The following SLC36A1 variants were observed in gnomAD, a reference collection of about 807,000 sequenced individuals.
The protein encoded by SLC36A1 is solute carrier family 36 member 1.
Under a neutral mutation model 47.5 loss-of-function variants are expected in SLC36A1, and 30 were observed. The ratio of observed to expected loss-of-function variants is 0.63; its 90% CI spans 0.47 to 0.86. The LOEUF is 0.86. Among genes scored for constraint, SLC36A1 ranks in the 40% least tolerant of loss-of-function variants. The pLI is 0.00. For synonymous variants in SLC36A1, 255 were observed against 249.7 expected, an observed-to-expected ratio of 1.02 and a Z score of -0.20; for missense variants, 517 against 606.0, an observed-to-expected ratio of 0.85 and a Z score of 1.54.
At chr5:151,392,444 C>T in the SLC36A1 span, among the ~76,000 whole-genome samples, 9 of 152,238 alleles carry the variant, frequency 5.9e-5, no homozygotes, top group African/African-American at 2.2e-4. Flanking sequence ...CTTCTGCTAG[C>T]TTTTGAATGT....
rs1362291189 is a variant in SLC36A1, at chr5:151,491,967, T to C, written c.*3713T>C. ...ATCAGCCTGTAACATTTCTTCTCTT[T>C]CCTTTGTGCCACTGAGTCGTTCCCT... On this transcript the variant is annotated 3_prime_UTR_variant, in exon 11 of 11. Transcript: ENST00000243389. The C allele has an allele frequency of 6.6e-6, 1 of 152,280 alleles. No homozygotes were observed. The highest frequency in any genetic ancestry group is 1.5e-5 in the Non-Finnish European group (1 of 68,074). 9.4% of individuals were successfully genotyped at this position (152,280 alleles called of 1,614,324 possible).
the SLC36A1 span, chr5:151,549,544 G>A: frequency 1.3e-6 from 2 of 1,578,574 alleles, no homozygotes; most frequent in Non-Finnish European, 1.7e-6. Flanking sequence ...AGCAGCAAAT[G>A]GAATAGGAGG....
chr5:151,467,137 C>T (rs1756518823), intron 5 of SLC36A1, 62 bp from the exon 6 acceptor site: 11 of 1,327,008 alleles, frequency 8.3e-6, no homozygotes, highest in South Asian at 3.8e-5. Flanking sequence ...AACACCTCCC[C>T]TTCTGGGAGC....
At chr5:151,544,684 C>T in the SLC36A1 span, 71 of 1,614,074 alleles carry the variant, frequency 4.4e-5, 2 homozygotes, top group South Asian at 7.8e-4. Flanking sequence ...TGGCGTTCCT[C>T]CATCCCGAGC....
In SLC36A1 at chr5:151,488,116, C is replaced by T. The variant is rs757695588; in HGVS notation, c.1293C>T (p.Pro431=). The T allele has an allele frequency of 6.8e-6, 11 of 1,614,070 alleles. No homozygotes were observed. The highest frequency in any genetic ancestry group is 2.5e-6 in the Non-Finnish European group (3 of 1,180,028). ...VTTFYSEGMS[P]LTIFKDALIS... Reference sequence around the variant, plus strand: ...CCTTCTACTCAGAGGGCATGAGCCCCCTCACCATCTTTAAGGACGCCCTGA... The same window carrying T: ...CCTTCTACTCAGAGGGCATGAGCCCTCTCACCATCTTTAAGGACGCCCTGA... The change falls in exon 11 of 11, where the codon CCC becomes CCT. Residue 431 remains proline, a synonymous_variant. Transcript: ENST00000243389.
At chr5:151,546,167 C>G in the SLC36A1 span, 2,045 of 1,614,140 alleles carry the variant, frequency 1.3e-3, 30 homozygotes, top group East Asian at 0.028. Flanking sequence ...GCACTCCTAT[C>G]TGAGGGATAG....
chr5:151,407,606 C>A, the SLC36A1 span, among the ~76,000 whole-genome samples: 1,638 of 152,034 alleles, frequency 0.011, 68 homozygotes, highest in East Asian at 0.14. Context: ...TCTCCAAGTC[C>A]CCACCCGACC....
At chr5:151,417,612 G>C in the SLC36A1 span, among the ~76,000 whole-genome samples, 1 of 152,310 alleles carries the variant, frequency 6.6e-6, no homozygotes, top group East Asian at 1.9e-4. Context: ...AAGCACTCAA[G>C]AGGTAACTAG....
At chr5:151,425,647 A>C in the SLC36A1 span, among the ~76,000 whole-genome samples, 1 of 152,182 alleles carries the variant, frequency 6.6e-6, no homozygotes, top group Middle Eastern at 3.4e-3. Flanking sequence ...AATGACTGAA[A>C]CAAAAATAAA....
the SLC36A1 span, among the ~76,000 whole-genome samples, chr5:151,424,781 T>G: frequency 6.6e-6 from 1 of 152,170 alleles, no homozygotes; most frequent in South Asian, 2.1e-4. Flanking sequence ...TTCTAATAAC[T>G]AAGCTGTCAA....
chr5:151,480,036 T>A, intron 10 of SLC36A1: 1 of 1,351,480 alleles, frequency 7.4e-7, no homozygotes, highest in Non-Finnish European at 1.0e-6. Context: ...TTTATTCTTC[T>A]TCTCTCAACC....
the SLC36A1 span, among the ~76,000 whole-genome samples, chr5:151,359,717 T>TAAAA: frequency 1.3e-5 from 2 of 152,232 alleles, no homozygotes; most frequent in Admixed American, 1.3e-4. Context: ...TTGCCTTTTT[T>TAAAA]AGACATTTCA....
the SLC36A1 span, among the ~76,000 whole-genome samples, chr5:151,388,499 C>G: frequency 1.9e-5 from 1 of 51,454 alleles, no homozygotes; most frequent in African/African-American, 3.3e-4. Flanking sequence ...AAAACTCCAT[C>G]TCAAAAGAAA....
intron 1 of SLC36A1, among the ~76,000 whole-genome samples, chr5:151,438,195 C>T (rs1359565400): frequency 1.3e-5 from 2 of 152,220 alleles, no homozygotes; most frequent in Non-Finnish European, 2.9e-5. Context: ...TTCCACTTTA[C>T]CTGGGACAAT....
At chr5:151,418,740 G>A in the SLC36A1 span, among the ~76,000 whole-genome samples, 1 of 152,100 alleles carries the variant, frequency 6.6e-6, no homozygotes, top group African/African-American at 2.4e-5. Flanking sequence ...GGTTAATGAT[G>A]GAATAAATTA....
chr5:151,394,404 G>C, the SLC36A1 span, among the ~76,000 whole-genome samples: 2 of 152,210 alleles, frequency 1.3e-5, no homozygotes, highest in African/African-American at 4.8e-5. Flanking sequence ...CCCTCAACTC[G>C]TCAAAGTCAT....
chr5:151,521,308 C>T, the SLC36A1 span: 7 of 1,611,794 alleles, frequency 4.3e-6, no homozygotes, highest in Admixed American at 5.0e-5. Context: ...CAGGTGGTGC[C>T]GCGGGGTTAG....
At chr5:151,538,922 G>T in the SLC36A1 span, among the ~76,000 whole-genome samples, 3 of 151,996 alleles carry the variant, frequency 2.0e-5, no homozygotes. Flanking sequence ...CTGACATCAG[G>T]TGATCCGCCT....
the SLC36A1 span, chr5:151,406,469 G>A: frequency 2.0e-5 from 3 of 152,228 alleles, no homozygotes; most frequent in Non-Finnish European, 4.4e-5. Context: ...TACCACTTCA[G>A]TACCTTCAAA....
Sources: gnomAD v4.1 joint callset for allele counts (sites outside exome capture counted in the v4.1 genomes callset) on GRCh38, gnomAD v4.1.1 for gene constraint, MANE v1.5 for transcripts, NCBI Gene and HGNC (gene_info 2026-07-23, HGNC 2026-07-21) for gene names.